PALMD: variants seen among roughly 807,000 people sequenced by gnomAD.
PALMD encodes the protein paralemmin-like protein.
A neutral mutation model predicts 56.2 loss-of-function variants in PALMD; 42 were observed. That is an observed-to-expected ratio of 0.75 (90% CI 0.58 to 0.97). The LOEUF is 0.97. Ranked by LOEUF, PALMD falls within the 50% of genes least tolerant of loss-of-function variation. PALMD has a pLI of 0.00. For missense variants in PALMD, 660 were observed against 643.8 expected (o/e 1.03, Z -0.27); for synonymous variants, 242 against 222.9 (o/e 1.09, Z -0.76).
chr1:99,689,507 T>C lies in PALMD; in HGVS notation c.1247T>C (p.Ile416Thr). Residue 416 changes from isoleucine to threonine, a missense_variant, in exon 7 of 8, where the codon ATT becomes ACT. By Grantham distance (89) the Ile-to-Thr change is moderately conservative. Transcript: ENST00000263174. Reference sequence around the variant, plus strand: ...AATGATACAGAACCGGTGACAATGATTTTCATGGGGTATCAGCAGGCAGAA... The same window carrying C: ...AATGATACAGAACCGGTGACAATGACTTTCATGGGGTATCAGCAGGCAGAA... ...DINDTEPVTM[I>T]FMGYQQAEDS... 1 of 1,613,800 alleles carries C rather than the reference T, an allele frequency of 6.2e-7. No homozygotes were observed.
chr1:99,661,940 T>G (rs921733156), intron 1 of PALMD, among the ~76,000 whole-genome samples: 2 of 152,212 alleles, frequency 1.3e-5, no homozygotes, highest in Non-Finnish European at 2.9e-5. Context: ...TTCTTCAACC[T>G]TGGACCAGGA....
rs1284470905 is a variant in PALMD, at chr1:99,681,151, AT to A, written c.252-5524del. Among the ~76,000 whole-genome samples the A allele has an allele frequency of 4.1e-3, 615 of 151,440 alleles. 6 individuals carry two copies. Among genetic ancestry groups the A allele is most frequent in the African/African-American group, 0.014 (592 of 41,118 alleles). Reference sequence around the variant, plus strand: ...TGTGTGTGTGTATGTATATATATATATGTATAGAGCCCGGACTTTAATCCTT... The same window carrying A: ...TGTGTGTGTGTATGTATATATATATAGTATAGAGCCCGGACTTTAATCCTT... On this transcript the variant is annotated intron_variant, in intron 3 of 7. Transcript: ENST00000263174.
At chr1:99,676,032 G>T (rs542937263) in intron 3 of PALMD, among the ~76,000 whole-genome samples, 1 of 152,322 alleles carries the variant, frequency 6.6e-6, no homozygotes, top group African/African-American at 2.4e-5. Context: ...ACTAATGCTT[G>T]TTTTAATGTC....
intron 3 of PALMD, among the ~76,000 whole-genome samples, chr1:99,673,926 G>A (rs577186478): frequency 6.6e-6 from 1 of 152,120 alleles, no homozygotes. Context: ...ACCTTTCTAA[G>A]AGGACCAGCT....
intron 1 of PALMD, among the ~76,000 whole-genome samples, chr1:99,650,041 G>A (rs912783370): frequency 6.6e-6 from 1 of 152,162 alleles, no homozygotes; most frequent in African/African-American, 2.4e-5. Context: ...TCTGGAATGT[G>A]AGGAGTGGGG....
intron 3 of PALMD, chr1:99,683,453 A>AT (rs11438146): frequency 0.081 from 12,333 of 152,256 alleles, 1,084 homozygotes; most frequent in African/African-American, 0.22. Context: ...AGCCAATTGT[A>AT]TTGCATGTTT....
chr1:99,656,174 T>A (rs1316668844), intron 1 of PALMD, among the ~76,000 whole-genome samples: 1 of 152,258 alleles, frequency 6.6e-6, no homozygotes, highest in Non-Finnish European at 1.5e-5. Context: ...ACATCATTTT[T>A]AATTTTGTGT....
At chr1:99,693,996 CT>C (rs58405312) in intron 7 of PALMD, 22 bp from the exon 8 acceptor site, 70 of 1,529,252 alleles carry the variant, frequency 4.6e-5, no homozygotes, top group Middle Eastern at 1.8e-4. Context: ...TTATAACTCT[CT>C]TTTTTTTTCT....
At chr1:99,680,697 C>T (rs767435860) in intron 3 of PALMD, among the ~76,000 whole-genome samples, 7 of 152,070 alleles carry the variant, frequency 4.6e-5, no homozygotes, top group Non-Finnish European at 7.4e-5. Flanking sequence ...AGAGTTACCC[C>T]ACAGTAACCT....
At chr1:99,675,160 C>T (rs1227652831) in intron 3 of PALMD, among the ~76,000 whole-genome samples, 3 of 151,970 alleles carry the variant, frequency 2.0e-5, no homozygotes, top group Non-Finnish European at 2.9e-5. Context: ...CAAATATGAA[C>T]AGTTAACATC....
intron 2 of PALMD, among the ~76,000 whole-genome samples, chr1:99,663,893 C>G (rs1344535991): frequency 6.6e-6 from 1 of 152,116 alleles, no homozygotes; most frequent in Non-Finnish European, 1.5e-5. Flanking sequence ...GATGATCTTC[C>G]TTATTGGTTT....
At chr1:99,685,672 A>G (rs1164038702) in intron 3 of PALMD, 1 of 152,214 alleles carries the variant, frequency 6.6e-6, no homozygotes, top group Non-Finnish European at 1.5e-5. Context: ...AAGGAAGCCA[A>G]GAAAACTGAC....
chr1:99,681,925 A>T (rs1032466624), intron 3 of PALMD, among the ~76,000 whole-genome samples: 1 of 152,290 alleles, frequency 6.6e-6, no homozygotes, highest in South Asian at 2.1e-4. Context: ...CTCCTTAAGG[A>T]CAGTCAGTCC....
At position 99,689,680 on chromosome 1, in the gene PALMD, C is replaced by T. The variant is rs1384676694; in HGVS notation, c.1420C>T (p.Gln474Ter). 6.2e-7 allele frequency: 1 copy of T among 1,613,734 alleles called. No individual in the cohort carries two copies. The highest frequency in any genetic ancestry group is 2.2e-5 in the East Asian group (1 of 44,850). Residue 474 changes from glutamine (Q) to a stop codon, truncating the protein, a stop_gained, in exon 7 of 8, where the codon CAG (glutamine) becomes TAG (stop). Coordinates refer to ENST00000263174, the MANE Select transcript of PALMD (RefSeq NM_017734.5). LOFTEE classifies it high-confidence loss of function. ...CATAGCTCCCCATAGTCAGGTGTAC[C>T]AGCCAGCCAAACCAACACCACTTCC... Reference protein sequence around the residue: ...HPIAPHSQVYQPAKPTPLPRK... With the variant: ...HPIAPHSQVY
intron 3 of PALMD, among the ~76,000 whole-genome samples, chr1:99,680,077 C>T (rs1227801974): frequency 6.6e-6 from 1 of 152,178 alleles, no homozygotes; most frequent in African/African-American, 2.4e-5. Context: ...TAATGGCAAA[C>T]TCTATCAGGT....
At chr1:99,652,689 G>GAAAAGAAAAGAAAA (rs1557666490) in intron 1 of PALMD, among the ~76,000 whole-genome samples, 15 of 56,500 alleles carry the variant, frequency 2.7e-4, no homozygotes, top group African/African-American at 9.3e-4. Flanking sequence ...GGAAAGGAAA[G>GAAAAGAAAAGAAAA]GAAAGGAAAA....
At chr1:99,646,463 A>C (rs1425787639) in intron 1 of PALMD, 101 bp downstream of exon 1, 1 of 853,472 alleles carries the variant, frequency 1.2e-6, no homozygotes, top group Admixed American at 1.7e-5. Flanking sequence ...GTGGAAAAAC[A>C]GAACTGTCAG....
At position 99,689,065 on chromosome 1, in the gene PALMD, C is replaced by T. The variant is rs1480162928; in HGVS notation, c.805C>T (p.Pro269Ser). Reference protein sequence around the residue: ...EPVYANPFYRPTTPQRETVTP... With the variant: ...EPVYANPFYRSTTPQRETVTP... ...TGTATATGCCAATCCCTTTTACAGG[C>T]CTACAACCCCACAGAGAGAAACGGT... Residue 269 changes from proline (P) to serine (S), a missense_variant, in exon 7 of 8, where the codon CCT becomes TCT. Physicochemically the swap from Pro to Ser is moderately conservative, Grantham distance 74 (BLOSUM62 -1). Coordinates refer to ENST00000263174, the MANE Select transcript of PALMD (RefSeq NM_017734.5). 9 of 1,613,488 alleles carry T rather than the reference C, an allele frequency of 5.6e-6. No homozygotes were observed. Among genetic ancestry groups the T allele is most frequent in the Non-Finnish European group, 7.6e-6 (9 of 1,179,652 alleles).
intron 6 of PALMD, 34 bp from the exon 7 acceptor site, chr1:99,688,741 A>T: frequency 1.4e-6 from 2 of 1,447,248 alleles, no homozygotes; most frequent in Non-Finnish European, 1.9e-6. Flanking sequence ...AAGAAAAGTT[A>T]ACTAAATCAA....
Sources: allele counts gnomAD v4.1 joint callset (sites outside exome capture counted in the v4.1 genomes callset), GRCh38; gene constraint gnomAD v4.1.1; transcripts MANE v1.5; gene names NCBI Gene and HGNC (gene_info 2026-07-23, HGNC 2026-07-21).